MAPKAP1: variants seen among roughly 807,000 people sequenced by gnomAD.
MAPKAP1 encodes MAPK associated protein 1.
In MAPKAP1, 20 loss-of-function variants were observed where a neutral mutation model predicts 65.7. The ratio of observed to expected loss-of-function variants is 0.30; its 90% CI spans 0.21 to 0.44. The LOEUF (loss-of-function observed/expected upper bound fraction) is 0.44, where lower values mean the gene tolerates loss of function less well. MAPKAP1 is among the 20% of genes least tolerant of loss of function. The pLI, the probability that MAPKAP1 is intolerant of heterozygous loss-of-function variation, is 1.00. For synonymous variants in MAPKAP1, 222 were observed against 244.3 expected, an observed-to-expected ratio of 0.91 and a Z score of 0.85; for missense variants, 423 against 648.0, an observed-to-expected ratio of 0.65 and a Z score of 3.77.
intron 1 of MAPKAP1, among the ~76,000 whole-genome samples, chr9:125,705,990 GAC>G (rs551607691): frequency 8.3e-4 from 127 of 152,270 alleles, no homozygotes; most frequent in African/African-American, 2.9e-3. Context: ...TGCAGTCTGG[GAC>G]ACACAGTAGT....
intron 11 of MAPKAP1, among the ~76,000 whole-genome samples, chr9:125,441,191 C>T (rs1241064900): frequency 6.6e-6 from 1 of 152,200 alleles, no homozygotes; most frequent in Non-Finnish European, 1.5e-5. Context: ...AAGCCACAGC[C>T]TCCATCACTC....
chr9:125,577,858 G>T (rs1831490077), intron 5 of MAPKAP1, among the ~76,000 whole-genome samples: 1 of 151,018 alleles, frequency 6.6e-6, no homozygotes, highest in Non-Finnish European at 1.5e-5. Flanking sequence ...GAGCTGAGGG[G>T]CGCCTCTGCC....
intron 8 of MAPKAP1, among the ~76,000 whole-genome samples, chr9:125,496,404 G>A (rs1589236579): frequency 6.6e-6 from 1 of 152,158 alleles, no homozygotes; most frequent in East Asian, 1.9e-4. Flanking sequence ...CCTAAAATAT[G>A]TAAAACGAAC....
intron 8 of MAPKAP1, among the ~76,000 whole-genome samples, chr9:125,494,798 G>A (rs1311210394): frequency 6.6e-6 from 1 of 152,056 alleles, no homozygotes; most frequent in African/African-American, 2.4e-5. Context: ...TCTTACTCAA[G>A]CCTCTCATTC....
chr9:125,513,614 G>A (rs954804229), intron 7 of MAPKAP1, among the ~76,000 whole-genome samples: 2 of 152,208 alleles, frequency 1.3e-5, no homozygotes, highest in African/African-American at 4.8e-5. Context: ...AGGTTGCTGT[G>A]AGGATTAAAT....
At chr9:125,450,445 T>C (rs1852902131) in intron 10 of MAPKAP1, among the ~76,000 whole-genome samples, 1 of 152,208 alleles carries the variant, frequency 6.6e-6, no homozygotes, top group Non-Finnish European at 1.5e-5. Flanking sequence ...TGAGCTTAGT[T>C]TTTTTAAGTT....
chr9:125,506,624 G>T (rs7875713), intron 7 of MAPKAP1, among the ~76,000 whole-genome samples: 73,881 of 151,934 alleles, frequency 0.49, 18,752 homozygotes, highest in African/African-American at 0.65. Flanking sequence ...CAAGTCTGTT[G>T]CCACTCAGTT....
intron 3 of MAPKAP1, among the ~76,000 whole-genome samples, chr9:125,662,932 G>T (rs1834230580): frequency 6.6e-6 from 1 of 152,090 alleles, no homozygotes; most frequent in South Asian, 2.1e-4. Flanking sequence ...ATCTGGGAGG[G>T]CTGGTAGTAA....
At chr9:125,490,325 A>G (rs10121005) in intron 8 of MAPKAP1, among the ~76,000 whole-genome samples, 46,310 of 152,126 alleles carry the variant, frequency 0.3, 8,074 homozygotes, top group Middle Eastern at 0.4. Flanking sequence ...GGATCACCTG[A>G]GGTCAAGAGT....
chr9:125,671,018 G>T (rs1271501193), intron 2 of MAPKAP1, among the ~76,000 whole-genome samples: 1 of 146,102 alleles, frequency 6.8e-6, no homozygotes, highest in East Asian at 2.0e-4. Context: ...CAACACTGAA[G>T]AAAACTACAT....
chr9:125,583,191 G>C (rs1424531971), intron 5 of MAPKAP1, among the ~76,000 whole-genome samples: 1 of 152,146 alleles, frequency 6.6e-6, no homozygotes, highest in African/African-American at 2.4e-5. Context: ...GAACTTAAAG[G>C]TCTATCATAA....
chr9:125,658,396 A>C (rs1438817436), intron 3 of MAPKAP1, among the ~76,000 whole-genome samples: 1 of 152,266 alleles, frequency 6.6e-6, no homozygotes, highest in Non-Finnish European at 1.5e-5. Flanking sequence ...GTGTAGTAAC[A>C]GTAGCTAACA....
In MAPKAP1 at chr9:125,562,432, T is replaced by C. The variant is rs137900142; in HGVS notation, c.672-2623A>G. On this transcript the variant is annotated intron_variant, in intron 5 of 11. Transcript: ENST00000265960. Reference sequence around the variant, plus strand: ...TTCCTGCCATATTATACAAGATGAATAGAAGCCTCTTCTGGGTCATCAGTA... The same window carrying C: ...TTCCTGCCATATTATACAAGATGAACAGAAGCCTCTTCTGGGTCATCAGTA... 4.5e-3 allele frequency among the ~76,000 whole-genome samples: 681 copies of C among 152,338 alleles called. 6 individuals carry two copies. The highest frequency in any genetic ancestry group is 0.016 in the African/African-American group (655 of 41,590).
chr9:125,687,173 T>C (rs1835009280), intron 1 of MAPKAP1, among the ~76,000 whole-genome samples: 1 of 150,724 alleles, frequency 6.6e-6, no homozygotes, highest in South Asian at 2.1e-4. Flanking sequence ...TTCCAATAAC[T>C]ACAAGAGTTA....
At chr9:125,450,809 T>C (rs1392938499) in intron 10 of MAPKAP1, among the ~76,000 whole-genome samples, 5 of 152,252 alleles carry the variant, frequency 3.3e-5, no homozygotes, top group African/African-American at 1.2e-4. Flanking sequence ...TGTATCTTTC[T>C]GTAGGTCCTA....
At chr9:125,612,340 A>G (rs1270786895) in intron 4 of MAPKAP1, among the ~76,000 whole-genome samples, 1 of 152,222 alleles carries the variant, frequency 6.6e-6, no homozygotes, top group Non-Finnish European at 1.5e-5. Context: ...ATTAATGGGC[A>G]TACAGCCATG....
At chr9:125,470,135 G>C (rs1853848401) in intron 9 of MAPKAP1, among the ~76,000 whole-genome samples, 1 of 152,192 alleles carries the variant, frequency 6.6e-6, no homozygotes, top group East Asian at 1.9e-4. Flanking sequence ...TCTTGAAGCT[G>C]TAGTCAGTCA....
At chr9:125,613,648 C>CA (rs1283985815) in intron 4 of MAPKAP1, among the ~76,000 whole-genome samples, 1 of 152,156 alleles carries the variant, frequency 6.6e-6, no homozygotes, top group African/African-American at 2.4e-5. Flanking sequence ...ACATTTCCTG[C>CA]ATGTTAATCT....
At chr9:125,613,525 G>A (rs1832661157) in intron 4 of MAPKAP1, among the ~76,000 whole-genome samples, 1 of 152,154 alleles carries the variant, frequency 6.6e-6, no homozygotes, top group Non-Finnish European at 1.5e-5. Flanking sequence ...AGTACTCCAT[G>A]GTGTCAGGTG....
Sources: gnomAD v4.1 joint callset for allele counts (sites outside exome capture counted in the v4.1 genomes callset) on GRCh38, gnomAD v4.1.1 for gene constraint, MANE v1.5 for transcripts, NCBI Gene and HGNC (gene_info 2026-07-23, HGNC 2026-07-21) for gene names.